The following LRRC40 variants were observed in gnomAD, a reference collection of about 807,000 sequenced individuals.
LRRC40 encodes leucine rich repeat containing 40.
In LRRC40, 76 loss-of-function variants were observed where a neutral mutation model predicts 72.8. That is an observed-to-expected ratio of 1.04 (90% CI 0.87 to 1.26). The LOEUF (loss-of-function observed/expected upper bound fraction) is 1.26. LRRC40 is among the 50% of genes most tolerant of loss of function. The pLI, the probability that LRRC40 is intolerant of heterozygous loss-of-function variation, is 0.00. For missense variants in LRRC40, 684 were observed against 698.9 expected, an observed-to-expected ratio of 0.98 and a Z score of 0.24; for synonymous variants, 243 against 254.2, an observed-to-expected ratio of 0.96 and a Z score of 0.42.
At chr1:70,188,391 A>AAT (rs1228119088) in intron 2 of LRRC40, among the ~76,000 whole-genome samples, 1 of 152,248 alleles carries the variant, frequency 6.6e-6, no homozygotes, top group African/African-American at 2.4e-5. Flanking sequence ...GAAGGCAAGT[A>AAT]ATACATATAC....
In LRRC40 at chr1:70,187,332, C is replaced by T. The variant is rs1368286034; in HGVS notation, c.340G>A (p.Asp114Asn). The stretch of plus-strand genomic sequence containing the variant: ...GAAGGAAGGGATGTCAACTGATTAT[C>T]ATGTATCTAAAAGTTTTTAAAAGAC... ...LPALTVLDIH[D>N]NQLTSLPSAI... Residue 114 changes from aspartate (D) to asparagine (N), a missense_variant, in exon 3 of 15, where the codon GAT (aspartate) becomes AAT (asparagine). Physicochemically the swap from Asp to Asn is conservative, Grantham distance 23. Transcript: ENST00000370952. 1.3e-6 allele frequency: 2 copies of T among 1,549,436 alleles called. No homozygotes were observed. Among genetic ancestry groups the T allele is most frequent in the African/African-American group, 2.7e-5 (2 of 73,184 alleles).
intron 2 of LRRC40, 95 bp from the exon 3 acceptor site, chr1:70,187,433 C>T (rs1364236848): frequency 1.6e-6 from 1 of 631,684 alleles, no homozygotes; most frequent in Non-Finnish European, 2.8e-6. Context: ...TCAGTAATCT[C>T]CTGTTCCTCA....
chr1:70,185,110 G>C (rs1668331484), intron 3 of LRRC40, among the ~76,000 whole-genome samples, 196 bp from the exon 4 acceptor site: 1 of 152,126 alleles, frequency 6.6e-6, no homozygotes, highest in Non-Finnish European at 1.5e-5. Context: ...CCACATTGGG[G>C]TTTCAAAGAA....
At chr1:70,151,595 G>C (rs537527267) in intron 12 of LRRC40, among the ~76,000 whole-genome samples, 4 of 152,066 alleles carry the variant, frequency 2.6e-5, no homozygotes, top group Non-Finnish European at 5.9e-5. Flanking sequence ...TCTACTCTAA[G>C]AGGAATTTAA....
In LRRC40 at chr1:70,145,680, G is replaced by C; in HGVS notation, c.*120C>G. 3 of 523,542 alleles carry C rather than the reference G, an allele frequency of 5.7e-6. No individual in the cohort carries two copies. Among genetic ancestry groups the C allele is most frequent in the Non-Finnish European group, 1.0e-5 (3 of 291,732 alleles). The allele number at this position is 523,542 out of a possible 1,614,324, so 32.4% of individuals were successfully genotyped here. A position where few individuals can be genotyped will look rare whatever the true frequency, so the allele number is the denominator to read the frequency against. ...TATACCAACAGGTAGGTGATACTGG[G>C]AAACTACAAGATCAATTACAATAAT... is the stretch of plus-strand genomic sequence containing the variant. On this transcript the variant is annotated 3_prime_UTR_variant, in exon 15 of 15. Transcript: ENST00000370952.
rs200879459 is a variant in LRRC40 at position 70,154,754 on chromosome 1, C to CT, written c.1328+934dup. Among the ~76,000 whole-genome samples the CT allele has an allele frequency of 8.3e-3, 1,252 of 151,542 alleles. 16 individuals are homozygous for CT. The highest frequency in any genetic ancestry group is 0.029 in the African/African-American group (1,192 of 41,326). The stretch of plus-strand genomic sequence containing the variant: ...ACATCACTCTCCTCCACGACATCAC[C>CT]TTTTTTTTTCCTCTTAAGTATTTAC... On this transcript the variant is annotated intron_variant, in intron 11 of 14. Coordinates refer to ENST00000370952, the MANE Select transcript of LRRC40 (RefSeq NM_017768.5).
rs1042047247 is a variant in LRRC40 at position 70,145,225 on chromosome 1, T to C, written c.*575A>G. 6.6e-6 allele frequency: 1 copy of C among 152,176 alleles called. No homozygotes were observed. The highest frequency in any genetic ancestry group is 1.5e-5 in the Non-Finnish European group (1 of 68,012). The allele number at this position is 152,176 out of a possible 1,614,324, so 9.4% of individuals were successfully genotyped here. ...GTAATGAAAAGTCTTATTTTTAATA[T>C]ATTTTTGTTTCCTTTTTCTTTTGAC... On this transcript the variant is annotated 3_prime_UTR_variant, in exon 15 of 15. Transcript: ENST00000370952.
intron 7 of LRRC40, among the ~76,000 whole-genome samples, chr1:70,174,093 A>G (rs1157351283): frequency 6.6e-6 from 1 of 152,072 alleles, no homozygotes; most frequent in Non-Finnish European, 1.5e-5. Flanking sequence ...AATTGAAAAA[A>G]GATGACAAAT....
chr1:70,177,030 C>G (rs1668121684), intron 6 of LRRC40, among the ~76,000 whole-genome samples: 1 of 152,172 alleles, frequency 6.6e-6, no homozygotes, highest in Non-Finnish European at 1.5e-5. Context: ...AATCCCAGCA[C>G]TCTGGGAGGT....
chr1:70,165,852 G>A (rs1667869364), intron 9 of LRRC40, among the ~76,000 whole-genome samples: 1 of 152,072 alleles, frequency 6.6e-6, no homozygotes. Context: ...TTTTTAAAAA[G>A]CTCCACAGGT....
intron 9 of LRRC40, among the ~76,000 whole-genome samples, chr1:70,167,970 C>A (rs1036949146): frequency 3.0e-4 from 46 of 152,266 alleles, no homozygotes; most frequent in African/African-American, 9.4e-4. Context: ...TCAAGAAAAT[C>A]TATGGAAATT....
At chr1:70,191,301 T>C (rs1668495079) in intron 1 of LRRC40, among the ~76,000 whole-genome samples, 1 of 152,168 alleles carries the variant, frequency 6.6e-6, no homozygotes, top group Non-Finnish European at 1.5e-5. Context: ...CATTTTTTTC[T>C]AACATCTATA....
chr1:70,202,706 A>C (rs1668774715), intron 1 of LRRC40, among the ~76,000 whole-genome samples: 1 of 152,208 alleles, frequency 6.6e-6, no homozygotes, highest in African/African-American at 2.4e-5. Context: ...TAATGTATCA[A>C]TATTGGTTCA....
At chr1:70,159,556 TTAGTC>T in intron 9 of LRRC40, 118 bp from the exon 10 acceptor site, 1 of 454,730 alleles carries the variant, frequency 2.2e-6, no homozygotes, top group Non-Finnish European at 4.0e-6. Flanking sequence ...GAGAATGCCT[TTAGTC>T]ATATGCTTTA....
chr1:70,160,677 C>A (rs1273978760), intron 9 of LRRC40, among the ~76,000 whole-genome samples: 1 of 151,978 alleles, frequency 6.6e-6, no homozygotes, highest in Non-Finnish European at 1.5e-5. Flanking sequence ...GTATTCTTAA[C>A]AATTTCCAAA....
At position 70,166,177 on chromosome 1, in the gene LRRC40, T is replaced by G. The variant is rs187952331; in HGVS notation, c.1112-6739A>C. 5.5e-3 allele frequency among the ~76,000 whole-genome samples: 842 copies of G among 152,334 alleles called. 8 individuals carry two copies. The highest frequency in any genetic ancestry group is 0.019 in the African/African-American group (794 of 41,580). On this transcript the variant is annotated intron_variant, in intron 9 of 14. Coordinates refer to ENST00000370952, the MANE Select transcript of LRRC40 (RefSeq NM_017768.5). ...AAAGGGATTTTCTAAGTATGTATTT[T>G]CTAAGTATGTATACCTGTACAAATA...
chr1:70,153,310 T>A (rs1571436720), intron 11 of LRRC40, among the ~76,000 whole-genome samples: 1 of 151,680 alleles, frequency 6.6e-6, no homozygotes, highest in South Asian at 2.1e-4. Context: ...TGTAGCGAAC[T>A]GAGATCATGC....
At chr1:70,187,124 T>C in intron 3 of LRRC40, 141 bp downstream of exon 3, 1 of 500,594 alleles carries the variant, frequency 2.0e-6, no homozygotes, top group Non-Finnish European at 3.6e-6. Flanking sequence ...ATTAAAGCTT[T>C]AAAAAACTTA....
intron 14 of LRRC40, among the ~76,000 whole-genome samples, chr1:70,146,444 A>T (rs1021666692): frequency 1.1e-4 from 16 of 152,232 alleles, no homozygotes; most frequent in African/African-American, 3.4e-4. Context: ...ATTTATATTC[A>T]GTCACTCTTA....
Sources: gnomAD v4.1 joint callset for allele counts (sites outside exome capture counted in the v4.1 genomes callset) on GRCh38, gnomAD v4.1.1 for gene constraint, MANE v1.5 for transcripts, NCBI Gene and HGNC (gene_info 2026-07-23, HGNC 2026-07-21) for gene names.